Variants in MKS1 observed in about 807,000 individuals in gnomAD.
MKS1 encodes tectonic-like complex member MKS1.
In MKS1, 70 loss-of-function variants were observed where a neutral mutation model predicts 83.7. The ratio of observed to expected loss-of-function variants is 0.84; its 90% CI spans 0.69 to 1.02. The LOEUF is 1.02. Ranked by LOEUF, MKS1 falls within the 50% of genes least tolerant of loss-of-function variation. MKS1 has a pLI of 0.00. For synonymous variants in MKS1, 251 were observed against 273.4 expected (o/e 0.92, Z 0.81); for missense variants, 681 against 726.9 (o/e 0.94, Z 0.73).
chr17:58,208,562 T>C lies in MKS1; in HGVS notation c.1046A>G (p.Gln349Arg), dbSNP rs375559691. The change falls in exon 12 of 18, where the codon CAG becomes CGG. Residue 349 changes from glutamine (Q) to arginine (R), a missense_variant. Physicochemically the swap from Gln to Arg is conservative, Grantham distance 43 (BLOSUM62 1). Around this residue, in one of 3 missense-constraint regions of MKS1, gnomAD observed 310 missense variants for 321.7 expected, o/e 0.96. Transcript: ENST00000393119. The part of the protein sequence containing the change: ...PTAHWSSPAF[Q>R]QLSGVTQTCT... ...GGTCTGTGTTACTCCTGAGAGCTGCTGGAATGCTGGGCTTGACCAGTCTGA... is the reference window on the plus strand; with the variant it reads ...GGTCTGTGTTACTCCTGAGAGCTGCCGGAATGCTGGGCTTGACCAGTCTGA... 1 of 1,614,148 alleles carries C rather than the reference T, an allele frequency of 6.2e-7. No individual in the cohort carries two copies. Among genetic ancestry groups the C allele is most frequent in the Admixed American group, 1.7e-5 (1 of 60,024 alleles).
chr17:58,207,347 G>A, intron 14 of MKS1, 129 bp from the exon 15 acceptor site: 1 of 1,307,278 alleles, frequency 7.6e-7, no homozygotes, highest in East Asian at 2.4e-5. Context: ...GGCCTCTGGT[G>A]CAGGTTATCA....
chr17:58,210,929 A>C (rs753378590), intron 10 of MKS1, 51 bp downstream of exon 10: 3 of 1,588,050 alleles, frequency 1.9e-6, no homozygotes. Flanking sequence ...TCACAGCTCC[A>C]TCTAGGCACG....
rs368774719 is a variant in MKS1 at position 58,212,976 on chromosome 17, G to A, written c.858+6C>T. On this transcript the variant is annotated splice_donor_region_variant and intron_variant, in intron 8 of 17. Coordinates refer to ENST00000393119, the MANE Select transcript of MKS1 (RefSeq NM_017777.4). ...CCTTGGATACTTGGAATGAACTTGC[G>A]CTTACATCCTTGAACACTCGCCGTT... 80 of 1,613,030 alleles carry A rather than the reference G, an allele frequency of 5.0e-5. No individual in the cohort carries two copies. Among genetic ancestry groups the A allele is most frequent in the African/African-American group, 3.2e-4 (24 of 74,874 alleles).
In MKS1 at chr17:58,205,725, G is replaced by A. The variant is rs2143730117; in HGVS notation, c.*354C>T. On this transcript the variant is annotated 3_prime_UTR_variant, in exon 18 of 18. Coordinates refer to ENST00000393119, the MANE Select transcript of MKS1 (RefSeq NM_017777.4). ...AAAGGCTCCATTTTTAAAGGGTGGA[G>A]AACAGCAGATCCCCTGCTACTGTGA... The A allele has an allele frequency of 7.4e-7, 1 of 1,349,552 alleles. No homozygotes were observed. Among genetic ancestry groups the A allele is most frequent in the South Asian group, 1.2e-5 (1 of 81,424 alleles). 83.6% of individuals were successfully genotyped at this position (1,349,552 alleles called of 1,614,324 possible).
At chr17:58,208,442 G>A in intron 12 of MKS1, 71 bp downstream of exon 12, 3 of 1,567,558 alleles carry the variant, frequency 1.9e-6, no homozygotes, top group Non-Finnish European at 2.6e-6. Flanking sequence ...CACTTGGCCT[G>A]ATAAAACCTC....
Position 58,213,823 on chromosome 17 carries a change from C to T in MKS1, c.691G>A (p.Asp231Asn). 6.2e-7 allele frequency: 1 copy of T among 1,614,120 alleles called. No homozygotes were observed. Among genetic ancestry groups the T allele is most frequent in the Non-Finnish European group, 8.5e-7 (1 of 1,179,994 alleles). ...YEHVLCTLKV[D>N]SNGVITVKPD... Reference sequence around the variant, plus strand: ...TTTACTGTGATCACACCATTGCTATCCACCTTCAGAGTACACAGGACATGT... The same window carrying T: ...TTTACTGTGATCACACCATTGCTATTCACCTTCAGAGTACACAGGACATGT... The change falls in exon 7 of 18, where the codon GAT becomes AAT. Residue 231 changes from aspartate to asparagine, a missense_variant. By Grantham distance (23) the Asp-to-Asn change is conservative. This residue lies in a region of MKS1 where 365 missense variants were observed against 383.8 expected (regional missense o/e 0.95). Transcript: ENST00000393119.
rs955156395 is a variant in MKS1 at position 58,209,020 on chromosome 17, T to C, written c.1025-437A>G. ...TTAACAGCATCCCAAGGCAGAAGAA[T>C]TTTTCTTAGTACAGAACAAAATGGA... is the stretch of plus-strand genomic sequence containing the variant. On this transcript the variant is annotated intron_variant, in intron 11 of 17. Coordinates refer to ENST00000393119, the MANE Select transcript of MKS1 (RefSeq NM_017777.4). This position sits in a 1 kb window ranked among gnomAD's most constrained non-coding sequence, Gnocchi z 4.1. 3.4e-4 allele frequency among the ~76,000 whole-genome samples: 52 copies of C among 152,196 alleles called. No homozygotes were observed. The highest frequency in any genetic ancestry group is 3.2e-4 in the Non-Finnish European group (22 of 68,026).
Position 58,207,139 on chromosome 17 carries a change from G to A in MKS1, c.1353C>T (p.Gly451=), listed in dbSNP as rs764549118. 3.7e-6 allele frequency: 6 copies of A among 1,614,048 alleles called. No homozygotes were observed. Among genetic ancestry groups the A allele is most frequent in the African/African-American group, 2.7e-5 (2 of 74,920 alleles). The stretch of plus-strand genomic sequence containing the variant: ...AGAGGTCCTCCAGTTCCAGAGAACC[G>A]CCAATGAAAAACCTCCTCAGCTCAG... ...TVAELRRFFI[G]GSLELEDLSY... is the part of the protein sequence containing the mutation. The change falls in exon 15 of 18, where the codon GGC becomes GGT. Residue 451 remains glycine, a synonymous_variant. Transcript: ENST00000393119.
At chr17:58,218,800 G>A in intron 1 of MKS1, 71 bp from the exon 2 acceptor site, 2 of 1,376,264 alleles carry the variant, frequency 1.5e-6, no homozygotes, top group Middle Eastern at 3.7e-4. Flanking sequence ...CAAGGATGGG[G>A]GAAACAAAAC....
Position 58,214,826 on chromosome 17 carries a change from TTC to T in MKS1, c.428_429del (p.Arg143AsnfsTer55). On this transcript the variant is annotated frameshift_variant, in exon 5 of 18. Transcript: ENST00000393119. LOFTEE classifies it high-confidence loss of function. ...GGCACCTCGCTGGCTGCAGTGGTCA[TTC>T]TCTGACAGTGCTGGGAAAAGCAAGC... ...RYTNLEEHCQ[R>X]MTTAASEVPS... 6.2e-7 allele frequency: 1 copy of T among 1,603,154 alleles called. No homozygotes were observed. Among genetic ancestry groups the T allele is most frequent in the Non-Finnish European group, 8.5e-7 (1 of 1,179,190 alleles).
intron 11 of MKS1, 134 bp from the exon 12 acceptor site, chr17:58,208,717 G>A (rs1010240683): frequency 6.2e-6 from 5 of 802,798 alleles, no homozygotes; most frequent in African/African-American, 1.7e-5. Context: ...TCGGAGAGGG[G>A]GATGTGGCAG....
rs747659750 is a variant in MKS1 at position 58,214,269 on chromosome 17, G to T, written c.634C>A (p.Pro212Thr). Residue 212 changes from proline to threonine, a missense_variant, in exon 6 of 18, where the codon CCC (proline) becomes ACC (threonine). Pro to Thr is a conservative substitution (Grantham distance 38). This residue lies in a region of MKS1 where 365 missense variants were observed against 383.8 expected (regional missense o/e 0.95). Coordinates refer to ENST00000393119, the MANE Select transcript of MKS1 (RefSeq NM_017777.4). The part of the protein sequence containing the change: ...QTMHIMADLG[P>T]YKKLGYKKYE... ...AGAAGCGCCACTCACTTTTTATAGG[G>T]CCCCAGGTCTGCCATGATGTGCATT... The T allele has an allele frequency of 2.2e-5, 35 of 1,614,016 alleles. No individual in the cohort carries two copies. The highest frequency in any genetic ancestry group is 2.7e-5 in the Non-Finnish European group (32 of 1,180,040).
Position 58,209,111 on chromosome 17 carries a change from C to A in MKS1, c.1025-528G>T, listed in dbSNP as rs1043661030. On this transcript the variant is annotated intron_variant, in intron 11 of 17. Coordinates refer to ENST00000393119, the MANE Select transcript of MKS1 (RefSeq NM_017777.4). This position sits in a 1 kb window ranked among gnomAD's most constrained non-coding sequence, Gnocchi z 4.1. ...ATCTGATCTCTCTTTCTTTTCCCCA[C>A]ATTTCCCCCTTTTCTTTTTGACAAA... Among the ~76,000 whole-genome samples the A allele has an allele frequency of 7.2e-5, 11 of 152,146 alleles. No homozygotes were observed. Among genetic ancestry groups the A allele is most frequent in the Non-Finnish European group, 1.5e-5 (1 of 68,024 alleles).
At chr17:58,215,029 G>A (rs913644222) in intron 4 of MKS1, 191 bp from the exon 5 acceptor site, 2 of 806,670 alleles carry the variant, frequency 2.5e-6, no homozygotes, top group African/African-American at 3.5e-5. Flanking sequence ...ACCACATCAT[G>A]GTTTGCCTTT....
In MKS1 at chr17:58,209,618, C is replaced by T. The variant is rs1160124573; in HGVS notation, c.1025-1035G>A. Among the ~76,000 whole-genome samples, 1 of 152,048 alleles carries T rather than the reference C, an allele frequency of 6.6e-6. No homozygotes were observed. The highest frequency in any genetic ancestry group is 1.5e-5 in the Non-Finnish European group (1 of 68,022). ...AAGGGTTTCAGACAAAGGAAACGGC[C>T]CTTAAAAGGCTACAAGGTGGGAATG... On this transcript the variant is annotated intron_variant, in intron 11 of 17. Coordinates refer to ENST00000393119, the MANE Select transcript of MKS1 (RefSeq NM_017777.4). The surrounding 1 kb of genome is among the most constrained non-coding windows in gnomAD (Gnocchi z 4.1).
At chr17:58,206,599 C>T (rs745555659) in intron 15 of MKS1, 52 bp from the exon 16 acceptor site, 3 of 1,527,370 alleles carry the variant, frequency 2.0e-6, no homozygotes, top group Non-Finnish European at 2.7e-6. Context: ...CTAGACACCC[C>T]CGCACCATGC....
chr17:58,212,121 T>C (rs1968910901), intron 9 of MKS1, among the ~76,000 whole-genome samples: 1 of 152,156 alleles, frequency 6.6e-6, no homozygotes, highest in Admixed American at 6.5e-5. Context: ...CTACCACATC[T>C]AATCCCACCC....
chr17:58,218,832 G>C, intron 1 of MKS1, 103 bp from the exon 2 acceptor site: 1 of 1,073,534 alleles, frequency 9.3e-7, no homozygotes, highest in Non-Finnish European at 1.4e-6. Context: ...GGTTGCCAAG[G>C]TGTGCTGGGT....
chr17:58,214,693 A>C, intron 5 of MKS1, 48 bp downstream of exon 5: 3 of 1,562,322 alleles, frequency 1.9e-6, no homozygotes, highest in Non-Finnish European at 1.7e-6. Context: ...ACCCAACTTT[A>C]GGAAATAAAA....
Sources: allele counts gnomAD v4.1 joint callset (sites outside exome capture counted in the v4.1 genomes callset), GRCh38; gene constraint gnomAD v4.1.1; regional missense constraint gnomAD v4.1.1; non-coding constraint Gnocchi (gnomAD v3.1); transcripts MANE v1.5; gene names NCBI Gene and HGNC (gene_info 2026-07-23, HGNC 2026-07-21).